The following EDA variants were observed in gnomAD, a reference collection of about 807,000 sequenced individuals.
The protein encoded by EDA is ectodysplasin A.
A neutral mutation model predicts 23.6 loss-of-function variants in EDA; 2 were observed. That is an observed-to-expected ratio of 0.08 (90% confidence interval 0.03 to 0.27). The LOEUF is 0.27. EDA is among the 10% of genes least tolerant of loss of function. The probability of loss-of-function intolerance (pLI) is 1.00; values close to 1 mark genes in which losing one functional copy is unlikely to be tolerated. For missense variants in EDA, 229 were observed against 324.2 expected, an observed-to-expected ratio of 0.71 and a Z score of 2.26; for synonymous variants, 131 against 132.0, an observed-to-expected ratio of 0.99 and a Z score of 0.05.
intron 2 of EDA, among the ~76,000 whole-genome samples, chrX:70,010,921 C>T (rs779352014): frequency 1.8e-5 from 2 of 111,801 alleles, no homozygotes; most frequent in South Asian, 3.8e-4. Context: ...TTATCTCTAC[C>T]GGGTCCCTCC....
intron 1 of EDA, among the ~76,000 whole-genome samples, chrX:69,725,075 G>A (rs1379700988): frequency 8.9e-6 from 1 of 112,016 alleles, no homozygotes; most frequent in African/African-American, 3.2e-5. Context: ...CAGTTTACAT[G>A]CCATTAACTA....
rs778761132 is a variant in EDA, at chrX:70,030,517, A to G, written c.790A>G (p.Asn264Asp). The G allele has an allele frequency of 8.4e-7, 1 of 1,197,338 alleles. No homozygotes were observed. Among genetic ancestry groups the G allele is most frequent in the African/African-American group, 1.8e-5 (1 of 56,930 alleles). Residue 264 changes from asparagine to aspartate, a missense_variant, in exon 6 of 8, where the codon AAT becomes GAT. Physicochemically the swap from Asn to Asp is conservative, Grantham distance 23. Coordinates refer to ENST00000374552, the MANE Select transcript of EDA (RefSeq NM_001399.5). ...CCAAGGGTCAGCAATTCAAGTCAAG[A>G]ATGGTAAGAATCAAAATAGGCTCTC... ...QGQGSAIQVK[N>D]DLSGGVLNDW...
At chrX:69,737,518 C>G (rs2147368550) in intron 1 of EDA, among the ~76,000 whole-genome samples, 1 of 112,276 alleles carries the variant, frequency 8.9e-6, no homozygotes, top group Admixed American at 9.4e-5. Flanking sequence ...TTGTCTCTCT[C>G]ATCCTTTGTG....
intron 1 of EDA, among the ~76,000 whole-genome samples, chrX:69,649,689 C>A (rs1309322786): frequency 9.2e-6 from 1 of 109,068 alleles, no homozygotes; most frequent in African/African-American, 3.3e-5. Flanking sequence ...CAGGTTCAAG[C>A]GATTCTCCTG....
intron 1 of EDA, among the ~76,000 whole-genome samples, chrX:69,819,420 G>C (rs1034066495): frequency 8.9e-6 from 1 of 112,078 alleles, no homozygotes; most frequent in Non-Finnish European, 1.9e-5. Flanking sequence ...CAAATAGGAA[G>C]AGATGAAGTC....
chrX:69,661,879 A>T (rs1190613358), intron 1 of EDA, among the ~76,000 whole-genome samples: 1 of 112,187 alleles, frequency 8.9e-6, no homozygotes, highest in South Asian at 3.7e-4. Flanking sequence ...ACATAATGTT[A>T]TGGGATACAT....
rs1180662862 is a variant in EDA at position 69,770,973 on chromosome X, A to T, written c.396+154269A>T. Among the ~76,000 whole-genome samples the T allele has an allele frequency of 5.4e-5, 6 of 112,085 alleles. No homozygotes were observed. In the Admixed American group the frequency reaches 5.7e-4, roughly 11 times the overall value. ...CAACTGCTCTAGCATCATTTGTTGA[A>T]AAAACTATACTTACGCCATTGAACT... On this transcript the variant is annotated intron_variant, in intron 1 of 7. Coordinates refer to ENST00000374552, the MANE Select transcript of EDA (RefSeq NM_001399.5).
At chrX:69,853,301 T>A (rs1460000079) in intron 1 of EDA, among the ~76,000 whole-genome samples, 1 of 111,451 alleles carries the variant, frequency 9.0e-6, no homozygotes, top group African/African-American at 3.3e-5. Flanking sequence ...TTAAATAGAT[T>A]AGACACAGAT....
At chrX:69,764,194 C>T (rs5936494) in intron 1 of EDA, among the ~76,000 whole-genome samples, 1 of 99,870 alleles carries the variant, frequency 1.0e-5, no homozygotes, top group East Asian at 3.2e-4. Flanking sequence ...TCTTAGTTTT[C>T]TTCCACCACT....
intron 1 of EDA, among the ~76,000 whole-genome samples, chrX:69,682,542 C>T (rs1013152265): frequency 8.9e-6 from 1 of 112,311 alleles, no homozygotes; most frequent in Non-Finnish European, 1.9e-5. Flanking sequence ...TTTTTAAGCC[C>T]CTCGGAAATG....
intron 2 of EDA, among the ~76,000 whole-genome samples, chrX:70,004,274 G>T (rs1243390415): frequency 8.9e-6 from 1 of 112,016 alleles, no homozygotes; most frequent in Non-Finnish European, 1.9e-5. Flanking sequence ...CCAGAGATGG[G>T]CCCCTGCTGC....
chrX:69,934,144 T>C (rs150204669), intron 1 of EDA, among the ~76,000 whole-genome samples: 1,293 of 112,091 alleles, frequency 0.012, 25 homozygotes, highest in African/African-American at 0.039. Flanking sequence ...ACTATGTAAA[T>C]AGAGCCATTA....
chrX:69,732,140 G>A (rs1019194914), intron 1 of EDA, among the ~76,000 whole-genome samples: 1 of 111,406 alleles, frequency 9.0e-6, no homozygotes, highest in Admixed American at 9.5e-5. Context: ...TAGGGTACAT[G>A]TGCACAACGT....
intron 2 of EDA, among the ~76,000 whole-genome samples, chrX:69,991,995 T>C (rs1219942064): frequency 8.9e-6 from 1 of 112,306 alleles, no homozygotes; most frequent in Admixed American, 9.4e-5. Context: ...GTTGTATTAA[T>C]AGTTACTTTA....
chrX:69,767,090 G>A (rs779363104), intron 1 of EDA, among the ~76,000 whole-genome samples: 1 of 111,494 alleles, frequency 9.0e-6, no homozygotes, highest in African/African-American at 3.3e-5. Flanking sequence ...CATTTTCCTA[G>A]TCCTTTGGCT....
At chrX:69,670,202 T>TTTTTTTC (rs1491533673) in intron 1 of EDA, 1 of 341,043 alleles carries the variant, frequency 2.9e-6, no homozygotes, top group Non-Finnish European at 4.9e-6. Context: ...TTTTTTTTTT[T>TTTTTTTC]CTTTCAGGAC....
rs749576852 is a variant in EDA at position 70,033,438 on chromosome X, T to G, written c.834T>G (p.Thr278=). ...TGCTCAATGACTGGTCTCGCATCACTATGAACCCCAAGGTGTTTAAGCTAC... is the reference window on the plus strand; with the variant it reads ...TGCTCAATGACTGGTCTCGCATCACGATGAACCCCAAGGTGTTTAAGCTAC... ...GGVLNDWSRI[T]MNPKVFKLHP... The change falls in exon 7 of 8, where the codon ACT becomes ACG. Residue 278 remains threonine, a synonymous_variant. Coordinates refer to ENST00000374552, the MANE Select transcript of EDA (RefSeq NM_001399.5). 2 of 1,210,490 alleles carry G rather than the reference T, an allele frequency of 1.7e-6. No individual in the cohort carries two copies. Among genetic ancestry groups the G allele is most frequent in the Admixed American group, 2.2e-5 (1 of 45,914 alleles).
At chrX:69,691,004 C>T (rs1379907181) in intron 1 of EDA, among the ~76,000 whole-genome samples, 1 of 111,338 alleles carries the variant, frequency 9.0e-6, no homozygotes, top group Non-Finnish European at 1.9e-5. Flanking sequence ...TTTAGTAAAT[C>T]GAGTCTTTAT....
chrX:69,733,596 G>A (rs774562350), intron 1 of EDA, among the ~76,000 whole-genome samples: 2 of 111,577 alleles, frequency 1.8e-5, no homozygotes, highest in East Asian at 5.6e-4. Context: ...CTCTTTTTTG[G>A]TTCCATATGA....
Sources: gnomAD v4.1 joint callset for allele counts (sites outside exome capture counted in the v4.1 genomes callset) on GRCh38, gnomAD v4.1.1 for gene constraint, MANE v1.5 for transcripts, NCBI Gene and HGNC (gene_info 2026-07-23, HGNC 2026-07-21) for gene names.